The following RAD51C variants were observed in gnomAD, a reference collection of about 807,000 sequenced individuals.
The protein encoded by RAD51C is RAD51 paralog C.
RAD51C carries 42 observed loss-of-function variants against 45.0 expected under a neutral mutation model. That is an observed-to-expected ratio of 0.93 (90% CI 0.73 to 1.21). The LOEUF is 1.21. Among genes scored for constraint, RAD51C ranks in the 50% most tolerant of loss-of-function variants. The pLI is 0.00. For synonymous variants in RAD51C, 172 were observed against 159.8 expected, an observed-to-expected ratio of 1.08 and a Z score of -0.58; for missense variants, 474 against 452.2, an observed-to-expected ratio of 1.05 and a Z score of -0.44.
chr17:58,704,453 T>A lies in RAD51C; in HGVS notation c.705+1124T>A, dbSNP rs368461912. Among the ~76,000 whole-genome samples, 123 of 151,810 alleles carry A rather than the reference T, an allele frequency of 8.1e-4. 2 individuals are homozygous for A. The highest frequency in any genetic ancestry group is 5.8e-3 in the South Asian group (28 of 4,790). On this transcript the variant is annotated intron_variant, in intron 4 of 8. Transcript: ENST00000337432. ...ACGCCTGGCTAATTTTTTTTTTTTT[T>A]TATATTTTTGGTAGAAACAGGGTTT...
In RAD51C at chr17:58,734,140, T is replaced by G. The variant is rs148537339; in HGVS notation, c.1049T>G (p.Val350Gly). 6.2e-7 allele frequency: 1 copy of G among 1,613,564 alleles called. No individual in the cohort carries two copies. Among genetic ancestry groups the G allele is most frequent in the Non-Finnish European group, 8.5e-7 (1 of 1,179,706 alleles). The change falls in exon 9 of 9, where the codon GTT becomes GGT. Residue 350 changes from valine (V) to glycine (G), a missense_variant. Physicochemically the swap from Val to Gly is moderately radical, Grantham distance 109 (BLOSUM62 -3). Transcript: ENST00000337432. ...QIKPQGFRDTVVTSACSLQTE... is the reference protein window; with the variant it reads ...QIKPQGFRDTGVTSACSLQTE... The stretch of plus-strand genomic sequence containing the variant: ...CAGCCTCAGGGATTTAGAGATACTG[T>G]TGTTACTTCTGCATGTTCATTGCAA...
chr17:58,730,021 T>G (rs2049349833), intron 7 of RAD51C, among the ~76,000 whole-genome samples: 1 of 152,150 alleles, frequency 6.6e-6, no homozygotes, highest in African/African-American at 2.4e-5. Context: ...GGCTAGCTGA[T>G]TTTCATCATT....
chr17:58,726,854 T>A (rs1266015504), intron 7 of RAD51C, among the ~76,000 whole-genome samples: 1 of 87,370 alleles, frequency 1.1e-5, no homozygotes, highest in Non-Finnish European at 3.3e-5. Flanking sequence ...GGAGTCTCGC[T>A]CTGTCGCCCA....
chr17:58,729,238 A>T (rs193019344), intron 7 of RAD51C, among the ~76,000 whole-genome samples: 1 of 152,126 alleles, frequency 6.6e-6, no homozygotes, highest in East Asian at 1.9e-4. Flanking sequence ...TGTTTTTGAG[A>T]TGGAGTTTCG....
rs191974292 is a variant in RAD51C at position 58,704,708 on chromosome 17, G to A, written c.705+1379G>A. On this transcript the variant is annotated intron_variant, in intron 4 of 8. Coordinates refer to ENST00000337432, the MANE Select transcript of RAD51C (RefSeq NM_058216.3). The stretch of plus-strand genomic sequence containing the variant: ...CCCTATTAGAATAGTCTTGAATACA[G>A]TCTCCTTACTGTTTTAAGAAGTGTT... 2.1e-3 allele frequency among the ~76,000 whole-genome samples: 313 copies of A among 152,060 alleles called. 1 individual carries two copies. Among genetic ancestry groups the A allele is most frequent in the Middle Eastern group, 3.4e-3 (1 of 294 alleles).
chr17:58,698,608 C>T (rs1045695180), intron 3 of RAD51C, among the ~76,000 whole-genome samples: 7 of 151,530 alleles, frequency 4.6e-5, no homozygotes, highest in African/African-American at 1.5e-4. Flanking sequence ...GGATTATAGG[C>T]GTGAGCCACC....
chr17:58,710,429 C>T (rs533415606), intron 5 of RAD51C, among the ~76,000 whole-genome samples: 1 of 143,700 alleles, frequency 7.0e-6, no homozygotes, highest in East Asian at 2.1e-4. Flanking sequence ...ACCCAGGAGG[C>T]GGAGGTTACA....
At chr17:58,710,635 G>T (rs991116596) in intron 5 of RAD51C, among the ~76,000 whole-genome samples, 7 of 151,962 alleles carry the variant, frequency 4.6e-5, no homozygotes, top group Non-Finnish European at 7.4e-5. Context: ...TCTCCTTTGA[G>T]TCTTTGATTA....
intron 3 of RAD51C, among the ~76,000 whole-genome samples, chr17:58,697,570 A>AC (rs71143277): frequency 1.3e-5 from 2 of 150,654 alleles, no homozygotes; most frequent in Non-Finnish European, 3.0e-5. Flanking sequence ...AAAAAAAAAA[A>AC]CCACGTCTGA....
At chr17:58,712,230 A>C (rs1424667546) in intron 5 of RAD51C, among the ~76,000 whole-genome samples, 2 of 151,102 alleles carry the variant, frequency 1.3e-5, no homozygotes, top group Non-Finnish European at 2.9e-5. Context: ...CTGTAATCCC[A>C]GCTACTCAGG....
At position 58,720,746 on chromosome 17, in the gene RAD51C, G is replaced by A. The variant is rs876660718; in HGVS notation, c.838G>A (p.Val280Ile). 1.9e-6 allele frequency: 3 copies of A among 1,610,008 alleles called. No homozygotes were observed. Among genetic ancestry groups the A allele is most frequent in the Non-Finnish European group, 1.7e-6 (2 of 1,176,714 alleles). Residue 280 changes from valine (V) to isoleucine (I), a missense_variant and splice_region_variant, in exon 6 of 9, where the codon GTA becomes ATA. Val to Ile is a conservative substitution (Grantham distance 29, BLOSUM62 3). Transcript: ENST00000337432. ...ISLANNHRLAVILTNQMTTKI... is the reference protein window; with the variant it reads ...ISLANNHRLAIILTNQMTTKI... ...ATTTTCTTACATTTTGTTTTTGTAG[G>A]TAATTTTAACCAATCAGATGACAAC...
At chr17:58,718,903 A>G (rs2048824533) in intron 5 of RAD51C, among the ~76,000 whole-genome samples, 1 of 152,100 alleles carries the variant, frequency 6.6e-6, no homozygotes, top group African/African-American at 2.4e-5. Context: ...CAATAAAAAT[A>G]TTCTAGGGAG....
chr17:58,707,347 C>T (rs530310378), intron 4 of RAD51C, among the ~76,000 whole-genome samples: 10 of 152,036 alleles, frequency 6.6e-5, no homozygotes, highest in Admixed American at 2.0e-4. Context: ...GGTGAAACCC[C>T]GTCTCTACTA....
At chr17:58,694,619 C>T (rs568077048) in intron 1 of RAD51C, 35 of 358,192 alleles carry the variant, frequency 9.8e-5, no homozygotes, top group Middle Eastern at 2.0e-3. Flanking sequence ...GGAATTATAA[C>T]GCGTGCCACC....
chr17:58,723,994 C>A (rs2049017642), intron 6 of RAD51C, 46 bp from the exon 7 acceptor site: 1 of 1,498,118 alleles, frequency 6.7e-7, no homozygotes, highest in Non-Finnish European at 9.3e-7. Flanking sequence ...AAATGTATAA[C>A]CAAGTCAGTA....
intron 5 of RAD51C, among the ~76,000 whole-genome samples, chr17:58,720,229 C>T (rs28363314): frequency 1.5e-3 from 232 of 150,354 alleles, no homozygotes; most frequent in Non-Finnish European, 2.2e-3. Flanking sequence ...CTGACTAACA[C>T]GGTGAAACCC....
rs2143855220 is a variant in RAD51C, at chr17:58,709,996, T to A, written c.837+6T>A. On this transcript the variant is annotated splice_donor_region_variant and intron_variant, in intron 5 of 8. Transcript: ENST00000337432. Reference sequence around the variant, plus strand: ...CAAATAATCACAGATTAGCTGTAAGTATTAACTAGTGAAGAGAGTTTTATA... The same window carrying A: ...CAAATAATCACAGATTAGCTGTAAGAATTAACTAGTGAAGAGAGTTTTATA... 6.2e-7 allele frequency: 1 copy of A among 1,610,372 alleles called. No homozygotes were observed. The highest frequency in any genetic ancestry group is 8.5e-7 in the Non-Finnish European group (1 of 1,176,696).
At chr17:58,729,210 T>G (rs959589861) in intron 7 of RAD51C, among the ~76,000 whole-genome samples, 7 of 152,120 alleles carry the variant, frequency 4.6e-5, no homozygotes, top group African/African-American at 1.7e-4. Flanking sequence ...AGGATGATTT[T>G]TTTGTTTTGT....
intron 5 of RAD51C, among the ~76,000 whole-genome samples, chr17:58,715,351 G>C (rs1410541602): frequency 1.3e-5 from 2 of 151,162 alleles, no homozygotes; most frequent in Non-Finnish European, 2.9e-5. Context: ...CTACTCAGGA[G>C]GCTGAGGCAG....
Sources: allele counts gnomAD v4.1 joint callset (sites outside exome capture counted in the v4.1 genomes callset), GRCh38; gene constraint gnomAD v4.1.1; transcripts MANE v1.5; gene names NCBI Gene and HGNC (gene_info 2026-07-23, HGNC 2026-07-21).